LAMA3: variants seen among roughly 807,000 people sequenced by gnomAD.
LAMA3 encodes the protein laminin subunit alpha-3.
In LAMA3, 281 loss-of-function variants were observed where a neutral mutation model predicts 402.0. The ratio of observed to expected loss-of-function variants is 0.70; its 90% confidence interval spans 0.63 to 0.77. LAMA3 has a LOEUF of 0.77. LAMA3 is among the 30% of genes least tolerant of loss of function. The pLI is 0.00. For synonymous variants in LAMA3, 1,431 were observed against 1,558.4 expected (o/e 0.92, Z 1.93); for missense variants, 3,840 against 4,215.5 (o/e 0.91, Z 2.47).
At chr18:23,762,535 G>A (rs2061989752) in intron 7 of LAMA3, among the ~76,000 whole-genome samples, 1 of 151,562 alleles carries the variant, frequency 6.6e-6, no homozygotes, top group African/African-American at 2.4e-5. Flanking sequence ...GTCGCAGTGA[G>A]TCGAGATCGT....
At chr18:23,830,456 C>G (rs2063470743) in intron 23 of LAMA3, among the ~76,000 whole-genome samples, 1 of 152,182 alleles carries the variant, frequency 6.6e-6, no homozygotes, top group Admixed American at 6.5e-5. Flanking sequence ...ACCTCCCACT[C>G]CATTAAATTT....
intron 12 of LAMA3, among the ~76,000 whole-genome samples, chr18:23,809,436 C>G (rs770246863): frequency 6.6e-6 from 1 of 152,192 alleles, no homozygotes; most frequent in East Asian, 1.9e-4. Context: ...GATGCTCTCT[C>G]TAGTTTCTTT....
intron 12 of LAMA3, among the ~76,000 whole-genome samples, chr18:23,796,963 C>T (rs1211791072): frequency 3.9e-5 from 6 of 152,130 alleles, no homozygotes; most frequent in African/African-American, 1.4e-4. Flanking sequence ...GACTGGAGGA[C>T]ACCAGCAGGC....
At chr18:23,911,712 A>G (rs2081430256) in intron 55 of LAMA3, among the ~76,000 whole-genome samples, 2 of 150,718 alleles carry the variant, frequency 1.3e-5, no homozygotes, top group South Asian at 4.2e-4. Flanking sequence ...TGTAACATGT[A>G]ATATATCCAA....
intron 13 of LAMA3, among the ~76,000 whole-genome samples, chr18:23,811,787 C>A (rs1270972674): frequency 6.6e-6 from 1 of 152,034 alleles, no homozygotes; most frequent in Non-Finnish European, 1.5e-5. Context: ...GAGGCTGAGG[C>A]GGGAGGATTG....
chr18:23,846,645 G>T, intron 31 of LAMA3, 137 bp downstream of exon 31: 1 of 859,920 alleles, frequency 1.2e-6, no homozygotes, highest in Non-Finnish European at 1.9e-6. Flanking sequence ...TGATTCAGGA[G>T]ACTGGGCTGG....
chr18:23,763,550 A>G, intron 8 of LAMA3, 27 bp downstream of exon 8: 2 of 1,276,598 alleles, frequency 1.6e-6, no homozygotes, highest in African/African-American at 1.5e-5. Flanking sequence ...ATCAAAGTGG[A>G]TGTGTTGTCA....
chr18:23,829,220 T>C (rs1396919474), intron 23 of LAMA3, among the ~76,000 whole-genome samples: 2 of 152,222 alleles, frequency 1.3e-5, no homozygotes, highest in African/African-American at 4.8e-5. Context: ...TTTCAGAGTT[T>C]GGGGATTTCA....
intron 37 of LAMA3, among the ~76,000 whole-genome samples, chr18:23,870,447 A>G (rs1328197402): frequency 2.0e-5 from 3 of 152,224 alleles, no homozygotes; most frequent in Non-Finnish European, 4.4e-5. Context: ...GAAAATTAAA[A>G]GTAGGATTAC....
intron 32 of LAMA3, among the ~76,000 whole-genome samples, chr18:23,855,201 T>G (rs972084753): frequency 6.6e-6 from 1 of 152,188 alleles, no homozygotes; most frequent in Non-Finnish European, 1.5e-5. Context: ...AAGCCCCGCA[T>G]GTTTGCTAAA....
intron 26 of LAMA3, 26 bp downstream of exon 26, chr18:23,838,904 C>A: frequency 7.5e-7 from 1 of 1,341,724 alleles, no homozygotes; most frequent in South Asian, 1.2e-5. Flanking sequence ...CCTGTCTCCC[C>A]GTTCATGTTC....
intron 20 of LAMA3, among the ~76,000 whole-genome samples, chr18:23,823,935 G>A (rs2063333760): frequency 6.6e-6 from 1 of 152,122 alleles, no homozygotes; most frequent in Non-Finnish European, 1.5e-5. Context: ...CTACTTGGGA[G>A]GCTGAAGTGG....
At chr18:23,889,012 C>T (rs1293791896) in intron 41 of LAMA3, among the ~76,000 whole-genome samples, 1 of 151,630 alleles carries the variant, frequency 6.6e-6, no homozygotes, top group East Asian at 1.9e-4. Flanking sequence ...GTTCTCATTA[C>T]TATACTATCT....
chr18:23,846,106 A>G (rs2144625444), intron 30 of LAMA3, among the ~76,000 whole-genome samples, 191 bp from the exon 31 acceptor site: 1 of 152,164 alleles, frequency 6.6e-6, no homozygotes, highest in East Asian at 1.9e-4. Context: ...CTCCTGTGGC[A>G]GGTGGTAGGG....
chr18:23,872,876 T>C (rs748449600), intron 38 of LAMA3: 39 of 713,204 alleles, frequency 5.5e-5, no homozygotes, highest in Non-Finnish European at 7.4e-5. Flanking sequence ...GGGACTGTTA[T>C]GTGCGCTCTG....
intron 47 of LAMA3, among the ~76,000 whole-genome samples, chr18:23,900,830 G>C (rs1347446778): frequency 1.3e-5 from 2 of 152,190 alleles, no homozygotes; most frequent in Admixed American, 6.5e-5. Flanking sequence ...TCAAGTTCAA[G>C]TCCTAAGCCC....
intron 12 of LAMA3, among the ~76,000 whole-genome samples, chr18:23,796,523 G>A (rs1307866834): frequency 6.6e-6 from 1 of 152,150 alleles, no homozygotes; most frequent in African/African-American, 2.4e-5. Flanking sequence ...CCAATCCTAA[G>A]AAAGATTGGG....
At chr18:23,940,070 G>A (rs1184368148) in intron 68 of LAMA3, among the ~76,000 whole-genome samples, 1 of 152,174 alleles carries the variant, frequency 6.6e-6, no homozygotes, top group Non-Finnish European at 1.5e-5. Flanking sequence ...CATGTGCCAG[G>A]GCAGCCCCTC....
chr18:23,917,388 T>C (rs1230353365), intron 60 of LAMA3, among the ~76,000 whole-genome samples: 1 of 152,252 alleles, frequency 6.6e-6, no homozygotes, highest in Non-Finnish European at 1.5e-5. Flanking sequence ...GTATACCCAA[T>C]AATGGGATTG....
Sources: gnomAD v4.1 joint callset for allele counts (sites outside exome capture counted in the v4.1 genomes callset) on GRCh38, gnomAD v4.1.1 for gene constraint, MANE v1.5 for transcripts, NCBI Gene and HGNC (gene_info 2026-07-23, HGNC 2026-07-21) for gene names.